Variants in EXOC4 observed in about 807,000 individuals in gnomAD.
The protein encoded by EXOC4 is SEC8-like 1.
Under a neutral mutation model 107.2 loss-of-function variants are expected in EXOC4, and 71 were observed. The ratio of observed to expected loss-of-function variants is 0.66; its 90% CI spans 0.55 to 0.81. EXOC4 has a LOEUF of 0.81. Ranked by LOEUF, EXOC4 falls within the 30% of genes least tolerant of loss-of-function variation. EXOC4 has a pLI of 0.00. For synonymous variants in EXOC4, 456 were observed against 441.2 expected (o/e 1.03, Z -0.42); for missense variants, 1,108 against 1,189.6 (o/e 0.93, Z 1.01).
chr7:133,924,880 A>C (rs527885864), intron 13 of EXOC4, among the ~76,000 whole-genome samples: 1 of 152,380 alleles, frequency 6.6e-6, no homozygotes, highest in African/African-American at 2.4e-5. Context: ...AAAACAAACT[A>C]TATTTGCCTT....
chr7:133,909,002 G>A (rs1193398519), intron 12 of EXOC4, among the ~76,000 whole-genome samples: 4 of 152,020 alleles, frequency 2.6e-5, no homozygotes, highest in African/African-American at 2.4e-5. Flanking sequence ...CCTAACTCCC[G>A]ACAGGCCCCA....
chr7:133,389,595 A>ATGGAAAAAATG (rs35982893), intron 7 of EXOC4, among the ~76,000 whole-genome samples: 1 of 95,352 alleles, frequency 1.0e-5, no homozygotes, highest in South Asian at 3.5e-4. Context: ...AAAAAAAAAA[A>ATGGAAAAAATG]GAGAGTCTTA....
chr7:133,397,255 G>A (rs549873952), intron 7 of EXOC4, among the ~76,000 whole-genome samples: 62 of 150,722 alleles, frequency 4.1e-4, no homozygotes, highest in African/African-American at 1.5e-3. Context: ...TCAGCCTCCT[G>A]AAGCAGCTGG....
intron 14 of EXOC4, among the ~76,000 whole-genome samples, chr7:133,995,818 T>C (rs1794377045): frequency 6.6e-6 from 1 of 152,188 alleles, no homozygotes; most frequent in Non-Finnish European, 1.5e-5. Context: ...GGCCCTTTTC[T>C]GGACTTAGCA....
intron 10 of EXOC4, among the ~76,000 whole-genome samples, chr7:133,798,384 T>C (rs927812618): frequency 2.7e-5 from 4 of 146,554 alleles, no homozygotes; most frequent in Non-Finnish European, 6.1e-5. Flanking sequence ...TGTGGTGATA[T>C]CACTTTTATC....
At chr7:133,767,649 A>G (rs1414036616) in intron 10 of EXOC4, among the ~76,000 whole-genome samples, 1 of 152,000 alleles carries the variant, frequency 6.6e-6, no homozygotes, top group Non-Finnish European at 1.5e-5. Flanking sequence ...ATGAAAACAT[A>G]TGAAACTTAT....
chr7:133,975,944 C>T (rs1387653950), intron 14 of EXOC4, among the ~76,000 whole-genome samples: 1 of 152,044 alleles, frequency 6.6e-6, no homozygotes, highest in Non-Finnish European at 1.5e-5. Flanking sequence ...TGCTTTTAAC[C>T]ACCACACTAT....
Position 133,857,137 on chromosome 7 carries a change from TACACATAC to T in EXOC4, c.1735-38459_1735-38452del, listed in dbSNP as rs1563029638. Among the ~76,000 whole-genome samples the T allele has an allele frequency of 3.9e-4, 28 of 71,096 alleles. 1 individual carries two copies. Among genetic ancestry groups the T allele is most frequent in the African/African-American group, 1.7e-3 (26 of 15,654 alleles). The allele number at this position is 71,096 out of a possible 152,430, so 46.6% of individuals were successfully genotyped here. On this transcript the variant is annotated intron_variant, in intron 11 of 17. Transcript: ENST00000253861. ...GTGTATATATATATGTATATATATA[TACACATAC>T]ACGTATATATATATATATATATATA...
chr7:133,978,930 G>A (rs1793906876), intron 14 of EXOC4, among the ~76,000 whole-genome samples: 1 of 152,172 alleles, frequency 6.6e-6, no homozygotes, highest in Admixed American at 6.5e-5. Context: ...GGCTAGAGGT[G>A]ACACTGAGTT....
intron 10 of EXOC4, among the ~76,000 whole-genome samples, chr7:133,760,081 G>C (rs951299409): frequency 2.0e-5 from 3 of 152,064 alleles, no homozygotes; most frequent in African/African-American, 7.2e-5. Flanking sequence ...TGTTTTTAGG[G>C]GTGCTGTTGT....
chr7:133,394,405 G>A (rs1324405628), intron 7 of EXOC4, among the ~76,000 whole-genome samples: 1 of 152,110 alleles, frequency 6.6e-6, no homozygotes, highest in Admixed American at 6.5e-5. Context: ...GCTTTGGTTT[G>A]TAATTACCTT....
chr7:133,593,147 G>C (rs1801589115), intron 9 of EXOC4, among the ~76,000 whole-genome samples: 1 of 152,208 alleles, frequency 6.6e-6, no homozygotes, highest in Admixed American at 6.5e-5. Flanking sequence ...TGAAAGATTG[G>C]AGAGCAAAAG....
intron 7 of EXOC4, among the ~76,000 whole-genome samples, chr7:133,467,741 T>C (rs1798766742): frequency 6.6e-6 from 1 of 151,242 alleles, no homozygotes; most frequent in Non-Finnish European, 1.5e-5. Context: ...TGTTCTGTTC[T>C]GTGCCTTCAT....
the EXOC4 span, among the ~76,000 whole-genome samples, chr7:134,081,364 A>G: frequency 6.6e-6 from 1 of 152,106 alleles, no homozygotes; most frequent in Non-Finnish European, 1.5e-5. Context: ...AATTAAATAA[A>G]TAAATAAATA....
At chr7:133,261,311 G>A (rs1034249693) in intron 1 of EXOC4, among the ~76,000 whole-genome samples, 23 of 149,112 alleles carry the variant, frequency 1.5e-4, no homozygotes, top group African/African-American at 5.7e-4. Context: ...CTCTTGCCCA[G>A]GCTGGAGCGC....
intron 10 of EXOC4, among the ~76,000 whole-genome samples, chr7:133,660,454 C>G (rs12707114): frequency 0.45 from 68,638 of 151,892 alleles, 15,771 homozygotes; most frequent in South Asian, 0.62. Flanking sequence ...GTGCCTACCC[C>G]TCTAAGGTAT....
chr7:133,651,978 C>CCGTAA (rs1803167348), intron 10 of EXOC4, among the ~76,000 whole-genome samples: 1 of 152,174 alleles, frequency 6.6e-6, no homozygotes, highest in Admixed American at 6.5e-5. Context: ...CCACGCCCTG[C>CCGTAA]CGTAACTCAA....
rs1222694718 is a variant in EXOC4 at position 133,797,409 on chromosome 7, C to T, written c.1515-19916C>T. 2.0e-5 allele frequency among the ~76,000 whole-genome samples: 3 copies of T among 152,168 alleles called. No homozygotes were observed. In the East Asian group the frequency reaches 5.8e-4, roughly 29 times the overall value. On this transcript the variant is annotated intron_variant, in intron 10 of 17. Transcript: ENST00000253861. ...TAGTATCATTAGACTGGTACTCTTC[C>T]CTTTTCAGGTGTGATTATCAAAGAT...
intron 9 of EXOC4, among the ~76,000 whole-genome samples, chr7:133,528,565 C>A (rs1454232528): frequency 1.3e-5 from 2 of 152,014 alleles, no homozygotes; most frequent in African/African-American, 4.8e-5. Flanking sequence ...TCTCCTATGG[C>A]CTTTTATATG....
Sources: gnomAD v4.1 joint callset for allele counts (sites outside exome capture counted in the v4.1 genomes callset) on GRCh38, gnomAD v4.1.1 for gene constraint, MANE v1.5 for transcripts, NCBI Gene and HGNC (gene_info 2026-07-23, HGNC 2026-07-21) for gene names.